Variants in EEF2K observed in about 807,000 individuals in gnomAD.
EEF2K encodes the protein eukaryotic elongation factor 2 kinase, also known as alternative protein EEF2K.
In EEF2K, 70 loss-of-function variants were observed where a neutral mutation model predicts 93.8. The ratio of observed to expected loss-of-function variants is 0.75; its 90% CI spans 0.62 to 0.91. The LOEUF is 0.91. EEF2K is among the 40% of genes least tolerant of loss of function. The pLI is 0.00. For missense variants in EEF2K, 935 were observed against 972.9 expected (o/e 0.96, Z 0.52); for synonymous variants, 376 against 380.8 (o/e 0.99, Z 0.15).
intron 2 of EEF2K, among the ~76,000 whole-genome samples, chr16:22,240,076 CT>C (rs2047205951): frequency 6.9e-6 from 1 of 145,902 alleles, no homozygotes; most frequent in African/African-American, 2.6e-5. Context: ...TCACTCCAGC[CT>C]GGTGACAGAG....
intron 2 of EEF2K, among the ~76,000 whole-genome samples, chr16:22,230,547 G>A (rs569803480): frequency 4.6e-5 from 7 of 151,778 alleles, no homozygotes; most frequent in African/African-American, 9.7e-5. Context: ...TTAGAGACAC[G>A]GTCTTACTCT....
At chr16:22,254,513 G>T (rs999454528) in intron 6 of EEF2K, among the ~76,000 whole-genome samples, 11 of 152,188 alleles carry the variant, frequency 7.2e-5, no homozygotes, top group Non-Finnish European at 1.0e-4. Context: ...AGGTGGCATT[G>T]AGGAGGACAT....
intron 1 of EEF2K, among the ~76,000 whole-genome samples, chr16:22,215,118 C>T (rs756196484): frequency 2.0e-5 from 3 of 152,166 alleles, no homozygotes; most frequent in African/African-American, 7.2e-5. Flanking sequence ...CAAACGAGGA[C>T]TTGGCCAGCA....
At chr16:22,249,012 T>G (rs1158023772) in intron 4 of EEF2K, among the ~76,000 whole-genome samples, 197 bp downstream of exon 4, 1 of 150,972 alleles carries the variant, frequency 6.6e-6, no homozygotes, top group Non-Finnish European at 1.5e-5. Context: ...CTCACTCTAT[T>G]GCCCAGGAGC....
In EEF2K at chr16:22,266,882, C is replaced by T. The variant is rs766277238; in HGVS notation, c.1764+6C>T. On this transcript the variant is annotated splice_donor_region_variant and intron_variant, in intron 15 of 17. Coordinates refer to ENST00000263026, the MANE Select transcript of EEF2K (RefSeq NM_013302.5). ...TAGCCGATGTCTCTCTGAAGGTGAG[C>T]AGGTGGCGGGGACCCAGCTGCAGGT... 5.6e-6 allele frequency: 9 copies of T among 1,595,378 alleles called. No homozygotes were observed. Among genetic ancestry groups the T allele is most frequent in the Admixed American group, 5.1e-5 (3 of 58,784 alleles).
chr16:22,214,664 GCAA>G (rs377721958), intron 1 of EEF2K, among the ~76,000 whole-genome samples: 4 of 151,646 alleles, frequency 2.6e-5, no homozygotes, highest in South Asian at 2.1e-4. Context: ...GACTCTCTCA[GCAA>G]CAACAACAAC....
rs534570001 is a variant in EEF2K at position 22,248,998 on chromosome 16, G to C, written c.408+183G>C. Among the ~76,000 whole-genome samples the C allele has an allele frequency of 4.9e-5, 7 of 143,310 alleles. No homozygotes were observed. In the South Asian group the frequency reaches 1.1e-3, roughly 22 times the overall value. The allele number at this position is 143,310 out of a possible 152,430, so 94.0% of individuals were successfully genotyped here. On this transcript the variant is annotated intron_variant, in intron 4 of 17. Coordinates refer to ENST00000263026, the MANE Select transcript of EEF2K (RefSeq NM_013302.5). The stretch of plus-strand genomic sequence containing the variant: ...TTTTTTTTTTTTTTTTTTTGAGACA[G>C]GGTCTCACTCTATTGCCCAGGAGCA...
intron 7 of EEF2K, 106 bp from the exon 8 acceptor site, chr16:22,257,147 A>T (rs1598192218): frequency 6.4e-7 from 1 of 1,562,258 alleles, no homozygotes; most frequent in East Asian, 2.2e-5. Flanking sequence ...TCCTCTATAT[A>T]ACTCCTTGAA....
In EEF2K at chr16:22,285,412, C is replaced by T. The variant is rs1027662539; in HGVS notation, c.*1416C>T. The T allele has an allele frequency of 8.5e-5, 13 of 152,188 alleles. No homozygotes were observed. Among genetic ancestry groups the T allele is most frequent in the Admixed American group, 6.5e-5 (1 of 15,274 alleles). 9.4% of individuals were successfully genotyped at this position (152,188 alleles called of 1,614,324 possible). Reference sequence around the variant, plus strand: ...TGAGAGGGCAAGAACTATAAACACTCATTAATTCTAGTAGTCTCCCCATGG... The same window carrying T: ...TGAGAGGGCAAGAACTATAAACACTTATTAATTCTAGTAGTCTCCCCATGG... On this transcript the variant is annotated 3_prime_UTR_variant, in exon 18 of 18. Transcript: ENST00000263026.
At chr16:22,246,681 C>T (rs1241945202) in intron 3 of EEF2K, among the ~76,000 whole-genome samples, 1 of 151,936 alleles carries the variant, frequency 6.6e-6, no homozygotes, top group African/African-American at 2.4e-5. Context: ...TCAGAAATAG[C>T]CCCTCTCTGA....
At chr16:22,249,431 C>T (rs1028992314) in intron 4 of EEF2K, among the ~76,000 whole-genome samples, 6 of 152,070 alleles carry the variant, frequency 3.9e-5, no homozygotes, top group Non-Finnish European at 8.8e-5. Context: ...GCTGAGTTGT[C>T]ACAAAATGAG....
At chr16:22,242,489 T>A (rs959729656) in intron 2 of EEF2K, among the ~76,000 whole-genome samples, 4 of 151,688 alleles carry the variant, frequency 2.6e-5, no homozygotes, top group Non-Finnish European at 4.4e-5. Flanking sequence ...TTTTTTTTTT[T>A]AAAGTAGAGA....
chr16:22,256,736 C>T lies in EEF2K; in HGVS notation c.619-12C>T. 6.2e-7 allele frequency: 1 copy of T among 1,612,956 alleles called. No homozygotes were observed. Reference sequence around the variant, plus strand: ...GGGCCCTCCCGCCTGAGCCCACTCCCCATCCCACCAGGTGGACATCATGCA... The same window carrying T: ...GGGCCCTCCCGCCTGAGCCCACTCCTCATCCCACCAGGTGGACATCATGCA... On this transcript the variant is annotated splice_polypyrimidine_tract_variant and intron_variant, in intron 6 of 17. Transcript: ENST00000263026.
intron 3 of EEF2K, among the ~76,000 whole-genome samples, chr16:22,248,289 T>G (rs1434977529): frequency 6.6e-6 from 1 of 152,100 alleles, no homozygotes; most frequent in Non-Finnish European, 1.5e-5. Flanking sequence ...GATCTCGAAC[T>G]CCTGACCTCA....
At chr16:22,276,902 C>T (rs60488309) in intron 16 of EEF2K, among the ~76,000 whole-genome samples, 10,804 of 151,960 alleles carry the variant, frequency 0.071, 1,258 homozygotes, top group African/African-American at 0.24. Context: ...ACTAAAAATA[C>T]AAAATTAGCT....
intron 15 of EEF2K, among the ~76,000 whole-genome samples, chr16:22,268,188 GT>G (rs934157852): frequency 2.6e-5 from 4 of 151,536 alleles, no homozygotes; most frequent in African/African-American, 9.7e-5. Context: ...TTTTGTTTTT[GT>G]TTTTTTTGAG....
At chr16:22,256,128 C>T (rs1005857345) in intron 6 of EEF2K, among the ~76,000 whole-genome samples, 4 of 151,746 alleles carry the variant, frequency 2.6e-5, no homozygotes, top group African/African-American at 9.7e-5. Context: ...CGGAGTTTTG[C>T]TCTTGTTGCT....
rs114477904 is a variant in EEF2K at position 22,277,724 on chromosome 16, C to T, written c.1890-2474C>T. ...AATCTCTAAAGAGGTGATATGTGAG[C>T]TGAGATTGGAGGGATGATGAGTGTC... On this transcript the variant is annotated intron_variant, in intron 16 of 17. Transcript: ENST00000263026. Among the ~76,000 whole-genome samples the T allele has an allele frequency of 9.5e-3, 1,444 of 152,242 alleles. 25 individuals are homozygous for T. Among genetic ancestry groups the T allele is most frequent in the African/African-American group, 0.033 (1,355 of 41,538 alleles).
At chr16:22,228,006 CTTTTTTTTTT>C (rs1051682997) in intron 2 of EEF2K, among the ~76,000 whole-genome samples, 2 of 80,026 alleles carry the variant, frequency 2.5e-5, no homozygotes, top group African/African-American at 1.0e-4. Context: ...AAACCAAATT[CTTTTTTTTTT>C]TTTTTTTTTT....
Sources: gnomAD v4.1 joint callset for allele counts (sites outside exome capture counted in the v4.1 genomes callset) on GRCh38, gnomAD v4.1.1 for gene constraint, MANE v1.5 for transcripts, NCBI Gene and HGNC (gene_info 2026-07-23, HGNC 2026-07-21) for gene names.